SAMMSON: variants seen among roughly 807,000 people sequenced by gnomAD.
SAMMSON encodes survival associated mitochondrial melanoma specific oncogenic non-coding RNA, also known as long intergenic non-protein coding RNA 1212.
At chr3:70,146,157 T>A (rs556902034) in intron 4 of SAMMSON, among the ~76,000 whole-genome samples, 3 of 152,078 alleles carry the variant, frequency 2.0e-5, no homozygotes, top group African/African-American at 7.2e-5. Context: ...TCAATAGTCT[T>A]CTACTATTAA....
At chr3:70,313,162 G>T (rs936662508) in intron 7 of SAMMSON, among the ~76,000 whole-genome samples, 3 of 152,032 alleles carry the variant, frequency 2.0e-5, no homozygotes, top group African/African-American at 7.2e-5. Flanking sequence ...AAATTCTTAG[G>T]TAAGGATAAT....
At position 70,092,782 on chromosome 3, in the gene SAMMSON, T is replaced by C. The variant is rs149529201; in HGVS notation, n.507+21217T>C. 4.3e-4 allele frequency among the ~76,000 whole-genome samples: 65 copies of C among 152,276 alleles called. 1 individual carries two copies. Among genetic ancestry groups the C allele is most frequent in the African/African-American group, 1.5e-3 (62 of 41,566 alleles). On this transcript the variant is annotated intron_variant and non_coding_transcript_variant, in intron 4 of 9. Transcript: ENST00000642114. Reference sequence around the variant, plus strand: ...TGTCGTAAATGCAAATGTACTTTTGTGTATAGATGTGACCATTACTCCTTT... The same window carrying C: ...TGTCGTAAATGCAAATGTACTTTTGCGTATAGATGTGACCATTACTCCTTT...
At chr3:70,431,362 C>T (rs1701411058) in intron 2 of SAMMSON, among the ~76,000 whole-genome samples, 1 of 151,944 alleles carries the variant, frequency 6.6e-6, no homozygotes, top group Admixed American at 6.6e-5. Context: ...CAGGTATAAC[C>T]TGTGTTTATG....
intron 6 of SAMMSON, among the ~76,000 whole-genome samples, chr3:70,285,109 A>C (rs1188028525): frequency 6.6e-6 from 1 of 150,530 alleles, no homozygotes; most frequent in African/African-American, 2.5e-5. Flanking sequence ...CACATTGTGC[A>C]GGTTAGTTAC....
intron 4 of SAMMSON, among the ~76,000 whole-genome samples, chr3:70,240,328 A>T (rs1045243627): frequency 6.6e-6 from 1 of 151,940 alleles, no homozygotes; most frequent in Non-Finnish European, 1.5e-5. Context: ...AAGCAGAATA[A>T]CCAATTACTT....
At chr3:70,287,525 TG>T (rs1356065520) in intron 6 of SAMMSON, among the ~76,000 whole-genome samples, 1 of 151,930 alleles carries the variant, frequency 6.6e-6, no homozygotes, top group Non-Finnish European at 1.5e-5. Flanking sequence ...TTCTCTTTTT[TG>T]GTTGTGTCTC....
intron 4 of SAMMSON, among the ~76,000 whole-genome samples, chr3:70,091,659 C>T (rs140433761): frequency 7.2e-5 from 11 of 152,206 alleles, no homozygotes; most frequent in Admixed American, 4.6e-4. Context: ...ATATGGACAG[C>T]CTAATAAGCA....
At chr3:70,406,940 G>GA (rs1298796266) in intron 2 of SAMMSON, among the ~76,000 whole-genome samples, 1 of 152,192 alleles carries the variant, frequency 6.6e-6, no homozygotes, top group Admixed American at 6.5e-5. Context: ...AGACTGGGAA[G>GA]AAAAAGAGGT....
intron 4 of SAMMSON, among the ~76,000 whole-genome samples, chr3:70,222,240 T>G (rs973841259): frequency 6.6e-6 from 1 of 152,138 alleles, no homozygotes; most frequent in Non-Finnish European, 1.5e-5. Context: ...TTGGGTAAAA[T>G]TCATACTTGC....
chr3:70,075,719 A>G (rs1339892919), intron 4 of SAMMSON, among the ~76,000 whole-genome samples: 2 of 152,156 alleles, frequency 1.3e-5, no homozygotes, highest in African/African-American at 2.4e-5. Flanking sequence ...TCCAAATGTT[A>G]TTCTGAAAAG....
At chr3:70,135,288 A>G (rs1410725258) in intron 4 of SAMMSON, among the ~76,000 whole-genome samples, 1 of 152,178 alleles carries the variant, frequency 6.6e-6, no homozygotes, top group African/African-American at 2.4e-5. Flanking sequence ...TATTTTATGG[A>G]CCAGAAAGAA....
chr3:70,209,973 G>A (rs1380474831), intron 4 of SAMMSON, among the ~76,000 whole-genome samples: 1 of 152,108 alleles, frequency 6.6e-6, no homozygotes, highest in Non-Finnish European at 1.5e-5. Context: ...AGACCTTGAT[G>A]AGTATGGAGA....
chr3:70,183,123 A>C (rs553473084), intron 4 of SAMMSON, among the ~76,000 whole-genome samples: 1 of 152,320 alleles, frequency 6.6e-6, no homozygotes, highest in African/African-American at 2.4e-5. Context: ...CTTCCCATGA[A>C]CTTTCTCATT....
At chr3:70,289,605 C>T (rs1368680863) in intron 6 of SAMMSON, among the ~76,000 whole-genome samples, 1 of 149,872 alleles carries the variant, frequency 6.7e-6, no homozygotes, top group Non-Finnish European at 1.5e-5. Flanking sequence ...GAACGTTGGC[C>T]TGCCTTGCTA....
chr3:70,105,983 GCTCCCTACTC>G (rs140361190), intron 4 of SAMMSON, among the ~76,000 whole-genome samples: 2,856 of 152,286 alleles, frequency 0.019, 27 homozygotes, highest in South Asian at 0.032. Flanking sequence ...TATAGTTGGT[GCTCCCTACTC>G]CTTAACACTT....
At chr3:70,229,900 T>C (rs1701542422) in intron 4 of SAMMSON, among the ~76,000 whole-genome samples, 1 of 152,210 alleles carries the variant, frequency 6.6e-6, no homozygotes, top group Admixed American at 6.5e-5. Flanking sequence ...ACAACTTATA[T>C]GTGAATTAAT....
intron 3 of SAMMSON, among the ~76,000 whole-genome samples, chr3:70,037,833 T>C (rs114179232): frequency 3.3e-5 from 5 of 152,196 alleles, no homozygotes; most frequent in Non-Finnish European, 5.9e-5. Context: ...ACATGAAAAC[T>C]ATTTTTAAAT....
At chr3:70,359,091 A>G (rs1371844745) in intron 9 of SAMMSON, among the ~76,000 whole-genome samples, 1 of 151,988 alleles carries the variant, frequency 6.6e-6, no homozygotes, top group Non-Finnish European at 1.5e-5. Flanking sequence ...TGTTAATTTG[A>G]TTTGAAAAAA....
intron 3 of SAMMSON, among the ~76,000 whole-genome samples, chr3:70,028,143 TTTCCTTCCTTCCTTCC>T (rs540467067): frequency 0.03 from 3,910 of 130,736 alleles, 110 homozygotes; most frequent in Admixed American, 0.058. Flanking sequence ...TCCTTCCTTC[TTTCCTTCCTTCCTTCC>T]TTCCTTCCTT....
Sources: gnomAD v4.1 joint callset for allele counts (sites outside exome capture counted in the v4.1 genomes callset) on GRCh38, gnomAD v4.1.1 for gene constraint, MANE v1.5 for transcripts, NCBI Gene and HGNC (gene_info 2026-07-23, HGNC 2026-07-21) for gene names.